PDE3A: variants seen among roughly 807,000 people sequenced by gnomAD.
PDE3A encodes the protein phosphodiesterase 3A, also known as cGMP-inhibited 3',5'-cyclic phosphodiesterase 3A.
A neutral mutation model predicts 98.3 loss-of-function variants in PDE3A; 43 were observed. That is an observed-to-expected ratio of 0.44 (90% CI 0.34 to 0.56). The LOEUF is 0.56. Ranked by LOEUF, PDE3A falls within the 20% of genes least tolerant of loss-of-function variation. PDE3A has a pLI of 0.01. For synonymous variants in PDE3A, 663 were observed against 567.9 expected, an observed-to-expected ratio of 1.17 and a Z score of -2.38; for missense variants, 1,427 against 1,440.7, an observed-to-expected ratio of 0.99 and a Z score of 0.15.
At chr12:20,605,280 G>C (rs1175097918) in intron 2 of PDE3A, among the ~76,000 whole-genome samples, 1 of 152,186 alleles carries the variant, frequency 6.6e-6, no homozygotes, top group East Asian at 1.9e-4. Flanking sequence ...CCACCAAATA[G>C]CCTATTCCTT....
chr12:20,603,426 A>G lies in PDE3A; in HGVS notation c.1012-10017A>G, dbSNP rs527571748. On this transcript the variant is annotated intron_variant, in intron 2 of 15. Coordinates refer to ENST00000359062, the MANE Select transcript of PDE3A (RefSeq NM_000921.5). ...CTGAAACCAGGACTTCTGTACAATCACTTTTTAAGAACTTAAAATTAAAAT... is the reference window on the plus strand; with the variant it reads ...CTGAAACCAGGACTTCTGTACAATCGCTTTTTAAGAACTTAAAATTAAAAT... Among the ~76,000 whole-genome samples the G allele has an allele frequency of 5.3e-5, 8 of 152,348 alleles. No individual in the cohort carries two copies. The South Asian group carries it at 1.7e-3, about 32-fold the overall frequency.
chr12:20,623,161 G>A (rs143953961), intron 5 of PDE3A, among the ~76,000 whole-genome samples: 115 of 152,088 alleles, frequency 7.6e-4, no homozygotes, highest in African/African-American at 2.4e-3. Context: ...GAGAAAGATC[G>A]GAAGAAATTA....
chr12:20,630,493 G>A (rs1944354424), intron 6 of PDE3A, among the ~76,000 whole-genome samples: 1 of 152,138 alleles, frequency 6.6e-6, no homozygotes, highest in Non-Finnish European at 1.5e-5. Context: ...GTTCTCCAGG[G>A]AATGGGTTAC....
chr12:20,440,940 G>A (rs775216642), intron 1 of PDE3A, among the ~76,000 whole-genome samples: 6 of 151,910 alleles, frequency 3.9e-5, no homozygotes, highest in Non-Finnish European at 8.8e-5. Context: ...AAAACTACCC[G>A]TTTTGTGAAA....
chr12:20,570,060 G>A (rs1342755671), intron 2 of PDE3A, among the ~76,000 whole-genome samples: 1 of 152,102 alleles, frequency 6.6e-6, no homozygotes, highest in African/African-American at 2.4e-5. Context: ...TGAGGTGGAA[G>A]TTTAGCTTAT....
chr12:20,503,074 G>A (rs1377250700), intron 1 of PDE3A, among the ~76,000 whole-genome samples: 1 of 152,024 alleles, frequency 6.6e-6, no homozygotes, highest in Non-Finnish European at 1.5e-5. Flanking sequence ...AGCTGTCATT[G>A]TCATTATCAT....
intron 15 of PDE3A, among the ~76,000 whole-genome samples, chr12:20,663,448 G>T (rs1945231371): frequency 7.0e-6 from 1 of 142,428 alleles, no homozygotes; most frequent in Non-Finnish European, 1.6e-5. Flanking sequence ...AGCAGCTGGA[G>T]GGGAGGTGCT....
At chr12:20,417,656 A>T (rs1381627783) in intron 1 of PDE3A, among the ~76,000 whole-genome samples, 1 of 152,212 alleles carries the variant, frequency 6.6e-6, no homozygotes, top group Non-Finnish European at 1.5e-5. Flanking sequence ...AAGCCTTGTG[A>T]TTGCCCTATT....
At chr12:20,434,595 G>A (rs186193193) in intron 1 of PDE3A, among the ~76,000 whole-genome samples, 189 of 152,160 alleles carry the variant, frequency 1.2e-3, no homozygotes, top group African/African-American at 4.3e-3. Flanking sequence ...GCAGGGACGG[G>A]GAAAGCAGAT....
intron 2 of PDE3A, among the ~76,000 whole-genome samples, chr12:20,604,439 C>T (rs73233998): frequency 0.016 from 2,482 of 151,924 alleles, 67 homozygotes; most frequent in African/African-American, 0.058. Flanking sequence ...TTCCCACATA[C>T]ACAACCTTAC....
At chr12:20,509,326 C>T (rs1946174770) in intron 1 of PDE3A, among the ~76,000 whole-genome samples, 1 of 151,744 alleles carries the variant, frequency 6.6e-6, no homozygotes, top group African/African-American at 2.4e-5. Context: ...TTGGGCAAAG[C>T]CTTTCCTTTA....
At chr12:20,502,974 A>G (rs912193851) in intron 1 of PDE3A, among the ~76,000 whole-genome samples, 1 of 152,154 alleles carries the variant, frequency 6.6e-6, no homozygotes, top group Non-Finnish European at 1.5e-5. Context: ...TTCTTCGACT[A>G]TAAATGGAGA....
chr12:20,598,995 G>A (rs778650460), intron 2 of PDE3A, among the ~76,000 whole-genome samples: 5 of 152,140 alleles, frequency 3.3e-5, no homozygotes, highest in African/African-American at 7.2e-5. Flanking sequence ...GCCATCTTTC[G>A]TCATTCAGTT....
At chr12:20,435,377 A>G (rs560320207) in intron 1 of PDE3A, among the ~76,000 whole-genome samples, 24 of 152,188 alleles carry the variant, frequency 1.6e-4, no homozygotes, top group Middle Eastern at 3.4e-3. Flanking sequence ...CTTGTCTTCC[A>G]GATTTAAAAA....
intron 6 of PDE3A, among the ~76,000 whole-genome samples, chr12:20,630,416 T>C (rs1245760773): frequency 6.6e-6 from 1 of 152,278 alleles, no homozygotes; most frequent in African/African-American, 2.4e-5. Context: ...ATATAGAAAA[T>C]ATATAACTAA....
chr12:20,438,348 C>T (rs1944813028), intron 1 of PDE3A, among the ~76,000 whole-genome samples: 2 of 152,092 alleles, frequency 1.3e-5, no homozygotes, highest in Non-Finnish European at 2.9e-5. Context: ...AATGTTAAGG[C>T]AGGGTTGTCA....
chr12:20,369,485 G>C lies in PDE3A; in HGVS notation c.201G>C (p.Ala67=). ...GGAAACTTTCCTCCGCGCTGTGCGC[G>C]GGCTCCCTGTCCTTTCTGCTGGCGC... ...SSRKLSSALC[A]GSLSFLLALL... Residue 67 remains alanine (A), a synonymous_variant, in exon 1 of 16, where the codon GCG becomes GCC. Transcript: ENST00000359062. The C allele has an allele frequency of 6.4e-7, 1 of 1,557,370 alleles. No homozygotes were observed. Among genetic ancestry groups the C allele is most frequent in the Non-Finnish European group, 8.7e-7 (1 of 1,151,146 alleles).
chr12:20,668,733 AC>A (rs1286355821), intron 15 of PDE3A, among the ~76,000 whole-genome samples: 40 of 151,010 alleles, frequency 2.6e-4, no homozygotes, highest in African/African-American at 9.5e-4. Context: ...AGTAGATAAA[AC>A]CACAAAGATG....
At chr12:20,667,827 A>G (rs1466815270) in intron 15 of PDE3A, among the ~76,000 whole-genome samples, 1 of 152,154 alleles carries the variant, frequency 6.6e-6, no homozygotes, top group Non-Finnish European at 1.5e-5. Flanking sequence ...TTTTAAAAAT[A>G]AAGATTGCGG....
Sources: gnomAD v4.1 joint callset for allele counts (sites outside exome capture counted in the v4.1 genomes callset) on GRCh38, gnomAD v4.1.1 for gene constraint, MANE v1.5 for transcripts, NCBI Gene and HGNC (gene_info 2026-07-23, HGNC 2026-07-21) for gene names.